CDH8: variants seen among roughly 807,000 people sequenced by gnomAD.
CDH8 encodes cadherin-8.
In CDH8, 17 loss-of-function variants were observed where a neutral mutation model predicts 68.1. The observed-to-expected ratio is 0.25, with a 90% confidence interval of 0.17 to 0.37. CDH8 has a LOEUF of 0.37. CDH8 is among the 10% of genes least tolerant of loss of function. The pLI, the probability that CDH8 is intolerant of heterozygous loss-of-function variation, is 1.00. For synonymous variants in CDH8, 372 were observed against 365.1 expected (o/e 1.02, Z -0.21); for missense variants, 763 against 999.3 (o/e 0.76, Z 3.19).
chr16:61,797,872 T>C (rs892591049), intron 7 of CDH8, among the ~76,000 whole-genome samples: 1 of 152,168 alleles, frequency 6.6e-6, no homozygotes, highest in South Asian at 2.1e-4. Flanking sequence ...AGGGTAAATA[T>C]AGAACTCTCA....
intron 2 of CDH8, among the ~76,000 whole-genome samples, chr16:62,017,220 C>T (rs751169926): frequency 1.3e-5 from 2 of 151,932 alleles, no homozygotes; most frequent in Non-Finnish European, 2.9e-5. Context: ...CTTTTCTTTG[C>T]GGAACTTGCA....
intron 10 of CDH8, among the ~76,000 whole-genome samples, chr16:61,695,845 C>T (rs560862343): frequency 2.6e-5 from 4 of 152,076 alleles, no homozygotes; most frequent in South Asian, 2.1e-4. Context: ...TTATGATAAC[C>T]GAGTTGTGCA....
Position 62,021,191 on chromosome 16 carries a change from C to G in CDH8, c.213G>C (p.Leu71=), listed in dbSNP as rs1314617305. 2 of 1,613,886 alleles carry G rather than the reference C, an allele frequency of 1.2e-6. No homozygotes were observed. Among genetic ancestry groups the G allele is most frequent in the Non-Finnish European group, 1.7e-6 (2 of 1,179,948 alleles). ...TCGGTTCAGGTCCAGAAAACTCTTC[C>G]AGGACAAACATTTGATTCCAAACCC... is the stretch of plus-strand genomic sequence containing the variant. ...RGWVWNQMFV[L]EEFSGPEPIL... The change falls in exon 2 of 12, where the codon CTG becomes CTC. Residue 71 remains leucine (L), a synonymous_variant. Transcript: ENST00000577390.
Position 61,727,095 on chromosome 16 carries a change from T to C in CDH8, c.1535A>G (p.Gln512Arg). 6.2e-7 allele frequency: 1 copy of C among 1,610,716 alleles called. No individual in the cohort carries two copies. Among genetic ancestry groups the C allele is most frequent in the Admixed American group, 1.7e-5 (1 of 59,666 alleles). Residue 512 changes from glutamine (Q) to arginine (R), a missense_variant and splice_region_variant, in exon 9 of 12, where the codon CAA becomes CGA. Transcript: ENST00000577390. ...CATTAACAACATGGAGATATTTACT[T>C]GGCCGGGTTTTCCATTTTCACATAA... is the stretch of plus-strand genomic sequence containing the variant. ...AFLCENGKPGQVIQTVSAMDK... is the reference protein window; with the variant it reads ...AFLCENGKPGRVIQTVSAMDK...
intron 2 of CDH8, among the ~76,000 whole-genome samples, chr16:61,972,479 G>C (rs775433437): frequency 6.6e-6 from 1 of 151,962 alleles, no homozygotes; most frequent in Non-Finnish European, 1.5e-5. Context: ...GGATAGAGTC[G>C]TGTTGAGATC....
intron 1 of CDH8, among the ~76,000 whole-genome samples, chr16:62,029,174 G>C (rs1056193683): frequency 2.0e-5 from 3 of 152,164 alleles, no homozygotes; most frequent in Admixed American, 6.5e-5. Flanking sequence ...GATTAAGGAA[G>C]AAATAAATAA....
intron 3 of CDH8, among the ~76,000 whole-genome samples, chr16:61,874,800 A>G (rs1008706657): frequency 1.3e-5 from 2 of 152,156 alleles, no homozygotes; most frequent in African/African-American, 4.8e-5. Context: ...TGCAAAAGTA[A>G]TTGCGGTCAT....
intron 2 of CDH8, among the ~76,000 whole-genome samples, chr16:61,992,077 T>TGA (rs1555527811): frequency 7.8e-4 from 113 of 144,218 alleles, no homozygotes; most frequent in African/African-American, 2.2e-3. Flanking sequence ...TGTGTGTGTG[T>TGA]GAGAGAGAGA....
intron 2 of CDH8, among the ~76,000 whole-genome samples, chr16:62,003,510 G>A (rs1965927075): frequency 6.7e-6 from 1 of 149,300 alleles, no homozygotes; most frequent in Admixed American, 6.9e-5. Context: ...TTGTATGCGT[G>A]AACAGTTTGT....
chr16:61,905,386 T>C (rs1277090882), intron 2 of CDH8, among the ~76,000 whole-genome samples: 1 of 152,104 alleles, frequency 6.6e-6, no homozygotes, highest in African/African-American at 2.4e-5. Flanking sequence ...AATAGAGCCA[T>C]TAATATATTA....
chr16:61,883,725 G>C (rs1328264146), intron 3 of CDH8, among the ~76,000 whole-genome samples: 2 of 151,324 alleles, frequency 1.3e-5, no homozygotes. Flanking sequence ...TCAATGCTCT[G>C]ACCAAGGAAA....
At chr16:61,856,776 T>C (rs952671391) in intron 4 of CDH8, among the ~76,000 whole-genome samples, 4 of 152,188 alleles carry the variant, frequency 2.6e-5, no homozygotes, top group South Asian at 2.1e-4. Context: ...GGAACTTAGA[T>C]ACTTTTCAAG....
intron 7 of CDH8, among the ~76,000 whole-genome samples, chr16:61,801,147 T>C (rs1170117600): frequency 6.6e-6 from 1 of 152,190 alleles, no homozygotes; most frequent in East Asian, 1.9e-4. Context: ...CAGCACTTTC[T>C]TTTTTTGTTT....
chr16:62,010,223 C>G (rs1901773847), intron 2 of CDH8, among the ~76,000 whole-genome samples: 1 of 152,224 alleles, frequency 6.6e-6, no homozygotes, highest in Non-Finnish European at 1.5e-5. Flanking sequence ...AAACATCTCT[C>G]ATTGTCTGCT....
intron 8 of CDH8, among the ~76,000 whole-genome samples, chr16:61,745,348 T>C (rs9935218): frequency 0.014 from 2,128 of 151,982 alleles, 65 homozygotes; most frequent in African/African-American, 0.049. Context: ...TATTTGTATT[T>C]ACCCTGTTTA....
chr16:62,002,869 C>T lies in CDH8; in HGVS notation c.252+18283G>A, dbSNP rs557653720. ...GAAATCAAGACCATCCTGGCTAACA[C>T]GGTGAAACCCCGTCTCTACTAAAAA... On this transcript the variant is annotated intron_variant, in intron 2 of 11. Transcript: ENST00000577390. Among the ~76,000 whole-genome samples the T allele has an allele frequency of 1.9e-3, 294 of 152,148 alleles. 2 individuals are homozygous for T. Among genetic ancestry groups the T allele is most frequent in the African/African-American group, 6.6e-3 (276 of 41,536 alleles).
At chr16:61,878,298 G>A (rs1435482844) in intron 3 of CDH8, among the ~76,000 whole-genome samples, 1 of 152,198 alleles carries the variant, frequency 6.6e-6, no homozygotes, top group African/African-American at 2.4e-5. Flanking sequence ...TTAGTCTGAT[G>A]TGAGTGAATG....
chr16:61,959,984 G>GTGTGTATATATA lies in CDH8; in HGVS notation c.253-58512_253-58511insTATATATACACA, dbSNP rs1385952323. Reference sequence around the variant, plus strand: ...GTATGTGGTGTATGTGTGTGTGTGTGTATATATATATATATATATATATAT... The same window carrying GTGTGTATATATA: ...GTATGTGGTGTATGTGTGTGTGTGTGTGTGTATATATATATATATATATATATATATATATAT... On this transcript the variant is annotated intron_variant, in intron 2 of 11. Coordinates refer to ENST00000577390, the MANE Select transcript of CDH8 (RefSeq NM_001796.5). 2.5e-4 allele frequency among the ~76,000 whole-genome samples: 11 copies of GTGTGTATATATA among 44,536 alleles called. 1 individual carries two copies. The East Asian group carries it at 3.4e-3, about 14-fold the overall frequency. The allele number at this position is 44,536 out of a possible 152,430, so 29.2% of individuals were successfully genotyped here. A position where few individuals can be genotyped will look rare whatever the true frequency, so the allele number is the denominator to read the frequency against.
At chr16:61,860,341 G>A (rs1171765903) in intron 3 of CDH8, among the ~76,000 whole-genome samples, 1 of 152,074 alleles carries the variant, frequency 6.6e-6, no homozygotes, top group Admixed American at 6.6e-5. Flanking sequence ...TAGGTATTTT[G>A]TTATAAGCAG....
Sources: allele counts gnomAD v4.1 joint callset (sites outside exome capture counted in the v4.1 genomes callset), GRCh38; gene constraint gnomAD v4.1.1; transcripts MANE v1.5; gene names NCBI Gene and HGNC (gene_info 2026-07-23, HGNC 2026-07-21).